DEPDC1B: variants seen among roughly 807,000 people sequenced by gnomAD.
DEPDC1B encodes DEP domain containing 1B, also known as DEP domain-containing protein 1B.
Under a neutral mutation model 66.5 loss-of-function variants are expected in DEPDC1B, and 51 were observed. The observed-to-expected ratio is 0.77, with a 90% confidence interval of 0.61 to 0.97. The LOEUF (loss-of-function observed/expected upper bound fraction) is 0.97, where lower values mean the gene tolerates loss of function less well. Ranked by LOEUF, DEPDC1B falls within the 50% of genes least tolerant of loss-of-function variation. DEPDC1B has a pLI of 0.00. For synonymous variants in DEPDC1B, 226 were observed against 223.6 expected, an observed-to-expected ratio of 1.01 and a Z score of -0.10; for missense variants, 552 against 637.1, an observed-to-expected ratio of 0.87 and a Z score of 1.44.
intron 1 of DEPDC1B, among the ~76,000 whole-genome samples, chr5:60,690,478 G>A (rs1014258106): frequency 6.6e-6 from 1 of 152,060 alleles, no homozygotes; most frequent in African/African-American, 2.4e-5. Flanking sequence ...AGGAATATAA[G>A]GCAACTTTTA....
At chr5:60,668,185 ATATATATATAAAATGGATATTT>A (rs1561385037) in intron 2 of DEPDC1B, among the ~76,000 whole-genome samples, 2,863 of 66,574 alleles carry the variant, frequency 0.043, 574 homozygotes, top group Admixed American at 0.059. Context: ...TGGATATTTT[ATATATATATAAAATGGATATTT>A]TATATATATA....
At chr5:60,624,270 A>C (rs960947876) in intron 7 of DEPDC1B, among the ~76,000 whole-genome samples, 25 of 152,180 alleles carry the variant, frequency 1.6e-4, no homozygotes, top group Admixed American at 2.0e-4. Flanking sequence ...TTTTTCCTTC[A>C]TCCTATCGAT....
chr5:60,613,349 A>G (rs1157629127), intron 7 of DEPDC1B, among the ~76,000 whole-genome samples: 2 of 152,208 alleles, frequency 1.3e-5, no homozygotes, highest in African/African-American at 4.8e-5. Context: ...TTTAGGGGAC[A>G]GGTCAACACT....
chr5:60,700,053 G>A lies in DEPDC1B; in HGVS notation c.41C>T (p.Thr14Ile). ...RIVGPGPYRA[T>I]RLWNETVELF... ...CCCAGCACACTCACTCACCAGCCTG[G>A]TAGCTCGGTACGGCCCGGGCCCCAC... Residue 14 changes from threonine (T) to isoleucine (I), a missense_variant, in exon 1 of 11, where the codon ACC becomes ATC. Thr to Ile is a moderately conservative substitution (Grantham distance 89). Coordinates refer to ENST00000265036, the MANE Select transcript of DEPDC1B (RefSeq NM_018369.3). The A allele has an allele frequency of 2.6e-6, 4 of 1,558,356 alleles. No homozygotes were observed. Among genetic ancestry groups the A allele is most frequent in the Non-Finnish European group, 3.5e-6 (4 of 1,152,918 alleles).
At chr5:60,647,661 C>A (rs1753353920) in intron 2 of DEPDC1B, 128 bp from the exon 3 acceptor site, 8 of 1,053,464 alleles carry the variant, frequency 7.6e-6, no homozygotes, top group Non-Finnish European at 1.1e-5. Flanking sequence ...ACAATAATTA[C>A]ATAAATTTTA....
At chr5:60,669,998 C>A (rs961583335) in intron 2 of DEPDC1B, among the ~76,000 whole-genome samples, 2 of 151,984 alleles carry the variant, frequency 1.3e-5, no homozygotes, top group Non-Finnish European at 2.9e-5. Flanking sequence ...TTGCACCAAA[C>A]CTCACAATAG....
chr5:60,646,770 T>G (rs1290630984), intron 3 of DEPDC1B, among the ~76,000 whole-genome samples: 1 of 152,168 alleles, frequency 6.6e-6, no homozygotes, highest in Middle Eastern at 3.2e-3. Context: ...AGCTCCCTGT[T>G]GTTCACATAC....
At chr5:60,632,384 G>A (rs974004271) in intron 7 of DEPDC1B, among the ~76,000 whole-genome samples, 2 of 152,212 alleles carry the variant, frequency 1.3e-5, no homozygotes, top group Non-Finnish European at 2.9e-5. Context: ...GCTGCAAACT[G>A]AGCAGCAAGC....
chr5:60,629,084 CTG>C (rs1752866383), intron 7 of DEPDC1B, among the ~76,000 whole-genome samples: 1 of 152,172 alleles, frequency 6.6e-6, no homozygotes, highest in Non-Finnish European at 1.5e-5. Context: ...GCTCCGGTAC[CTG>C]GCCCTGACTG....
chr5:60,666,175 G>A (rs1006369069), intron 2 of DEPDC1B, among the ~76,000 whole-genome samples: 2 of 152,154 alleles, frequency 1.3e-5, no homozygotes, highest in South Asian at 2.1e-4. Flanking sequence ...CCAGCGAGGC[G>A]CCCATTGCCA....
intron 7 of DEPDC1B, among the ~76,000 whole-genome samples, chr5:60,617,437 A>C (rs1182487244): frequency 6.6e-6 from 1 of 152,176 alleles, no homozygotes; most frequent in African/African-American, 2.4e-5. Flanking sequence ...AAAGGGATGG[A>C]GGAAGATCTG....
chr5:60,616,744 C>A (rs964647388), intron 7 of DEPDC1B, among the ~76,000 whole-genome samples: 1 of 152,178 alleles, frequency 6.6e-6, no homozygotes, highest in Non-Finnish European at 1.5e-5. Context: ...CTTCTCCAAT[C>A]TAGCAAGGCA....
chr5:60,681,616 C>T (rs1413875566), intron 2 of DEPDC1B, among the ~76,000 whole-genome samples: 1 of 152,108 alleles, frequency 6.6e-6, no homozygotes, highest in Non-Finnish European at 1.5e-5. Context: ...AAACATGAAA[C>T]CTCCAAAGAG....
intron 7 of DEPDC1B, among the ~76,000 whole-genome samples, chr5:60,634,197 G>A (rs1311130901): frequency 6.6e-6 from 1 of 152,206 alleles, no homozygotes; most frequent in African/African-American, 2.4e-5. Context: ...CCAAGAAGGA[G>A]GAAACAGAAG....
intron 6 of DEPDC1B, 73 bp from the exon 7 acceptor site, chr5:60,638,963 T>A: frequency 6.5e-7 from 1 of 1,527,408 alleles, no homozygotes; most frequent in South Asian, 1.3e-5. Flanking sequence ...TCTGTGAATA[T>A]GTGTGGCGTG....
At chr5:60,602,194 AAG>A (rs1429534183) in intron 9 of DEPDC1B, among the ~76,000 whole-genome samples, 1 of 151,240 alleles carries the variant, frequency 6.6e-6, no homozygotes, top group Admixed American at 6.6e-5. Context: ...GTGGGGAGGG[AAG>A]AGAGAGGGAA....
At chr5:60,622,195 G>GC (rs1301452060) in intron 7 of DEPDC1B, among the ~76,000 whole-genome samples, 14 of 151,764 alleles carry the variant, frequency 9.2e-5, no homozygotes, top group East Asian at 7.7e-4. Flanking sequence ...AAACTCTTCC[G>GC]CCCCCCCAAA....
At chr5:60,615,705 C>T (rs532954628) in intron 7 of DEPDC1B, among the ~76,000 whole-genome samples, 14 of 152,316 alleles carry the variant, frequency 9.2e-5, no homozygotes, top group Non-Finnish European at 1.9e-4. Context: ...CTGTAGACTC[C>T]ACCTCTGGGG....
intron 2 of DEPDC1B, among the ~76,000 whole-genome samples, chr5:60,680,675 T>C (rs1754278051): frequency 6.6e-6 from 1 of 152,258 alleles, no homozygotes; most frequent in Non-Finnish European, 1.5e-5. Flanking sequence ...ATTTAGGTTA[T>C]GTTTCCCTTG....
Sources: gnomAD v4.1 joint callset for allele counts (sites outside exome capture counted in the v4.1 genomes callset) on GRCh38, gnomAD v4.1.1 for gene constraint, MANE v1.5 for transcripts, NCBI Gene and HGNC (gene_info 2026-07-23, HGNC 2026-07-21) for gene names.